KMT2D: variants seen among roughly 807,000 people sequenced by gnomAD.
The protein encoded by KMT2D is histone-lysine N-methyltransferase 2D.
In KMT2D, 55 loss-of-function variants were observed where a neutral mutation model predicts 512.7. The observed-to-expected ratio is 0.11, with a 90% confidence interval of 0.09 to 0.13. The LOEUF is 0.13. Ranked by LOEUF, KMT2D falls within the 10% of genes least tolerant of loss-of-function variation. The pLI, the probability that KMT2D is intolerant of heterozygous loss-of-function variation, is 1.00. For synonymous variants in KMT2D, 2,995 were observed against 2,904.0 expected, an observed-to-expected ratio of 1.03 and a Z score of -1.01; for missense variants, 6,061 against 7,127.9, an observed-to-expected ratio of 0.85 and a Z score of 5.39.
intron 1 of KMT2D, among the ~76,000 whole-genome samples, chr12:49,058,281 G>C (rs1938530547): frequency 6.6e-6 from 1 of 152,214 alleles, no homozygotes; most frequent in South Asian, 2.1e-4. Context: ...GGACAAACGG[G>C]AGGGACTCTC....
At position 49,041,314 on chromosome 12, in the gene KMT2D, G is replaced by A. The variant is rs727503985; in HGVS notation, c.6456C>T (p.Gly2152=). Residue 2152 remains glycine, a synonymous_variant, in exon 32 of 55, where the codon GGC becomes GGT. Coordinates refer to ENST00000301067, the MANE Select transcript of KMT2D (RefSeq NM_003482.4). The surrounding 1 kb of genome is among the most constrained non-coding windows in gnomAD (Gnocchi z 5.4). The stretch of plus-strand genomic sequence containing the variant: ...GGAAGAGCTCACCAGGCGAGTCAGG[G>A]CCAGGCACCGAGCCCGCCGGCGGCT... The part of the protein sequence containing the change: ...FLKPPAGSVP[G]PDSPGELFLK... 1 of 1,537,742 alleles carries A rather than the reference G, an allele frequency of 6.5e-7. No individual in the cohort carries two copies. The highest frequency in any genetic ancestry group is 8.7e-7 in the Non-Finnish European group (1 of 1,144,958).
rs1406097470 is a variant in KMT2D at position 49,027,127 on chromosome 12, G to A, written c.14839C>T (p.Pro4947Ser). 1 of 1,585,172 alleles carries A rather than the reference G, an allele frequency of 6.3e-7. No individual in the cohort carries two copies. Among genetic ancestry groups the A allele is most frequent in the Non-Finnish European group, 8.6e-7 (1 of 1,163,116 alleles). Residue 4947 changes from proline (P) to serine (S), a missense_variant, in exon 49 of 55, where the codon CCC (proline) becomes TCC (serine). Physicochemically the swap from Pro to Ser is moderately conservative, Grantham distance 74. Around this residue, in one of 16 missense-constraint regions of KMT2D, gnomAD observed 1,600 missense variants for 1,754.9 expected, o/e 0.91. Coordinates refer to ENST00000301067, the MANE Select transcript of KMT2D (RefSeq NM_003482.4). ...GATGAGGCCAGTGGCAGAGGTGAGG[G>A]GACGGGTGGCTCAGCCAAGGGTTCG... ...PTEPLAEPPV[P>S]SPLPLASSPE...
rs1450684708 is a variant in KMT2D, at chr12:49,020,527, C to G, written c.*1253G>C. 9.8e-6 allele frequency: 2 copies of G among 204,594 alleles called. No homozygotes were observed. The highest frequency in any genetic ancestry group is 4.6e-5 in the African/African-American group (2 of 43,578). 12.7% of individuals were successfully genotyped at this position (204,594 alleles called of 1,614,324 possible). On this transcript the variant is annotated 3_prime_UTR_variant, in exon 55 of 55. Coordinates refer to ENST00000301067, the MANE Select transcript of KMT2D (RefSeq NM_003482.4). ...GGTTCTCACCTCCAGCCGGCTCCCCCATGCCCCACAAGACTATGTACAATC... is the reference window on the plus strand; with the variant it reads ...GGTTCTCACCTCCAGCCGGCTCCCCGATGCCCCACAAGACTATGTACAATC...
In KMT2D at chr12:49,026,142, TC is replaced by T; in HGVS notation, c.15784+39del. On this transcript the variant is annotated intron_variant, in intron 49 of 54. Transcript: ENST00000301067. This position sits in a 1 kb window ranked among gnomAD's most constrained non-coding sequence, Gnocchi z 9.6. ...TAACAGTGACCCTGGGAGAAACTTTTCCCATTCCATATTATCCATTTCAAGG... is the reference window on the plus strand; with the variant it reads ...TAACAGTGACCCTGGGAGAAACTTTTCCATTCCATATTATCCATTTCAAGG... 1 of 1,515,408 alleles carries T rather than the reference TC, an allele frequency of 6.6e-7. No homozygotes were observed. Among genetic ancestry groups the T allele is most frequent in the Non-Finnish European group, 8.9e-7 (1 of 1,128,428 alleles). The allele number at this position is 1,515,408 out of a possible 1,614,324, so 93.9% of individuals were successfully genotyped here.
At position 49,050,940 on chromosome 12, in the gene KMT2D, G is replaced by A. The variant is rs2120660254; in HGVS notation, c.2743C>T (p.Leu915=). The change falls in exon 11 of 55, where the codon CTG becomes TTG. Residue 915 remains leucine, a synonymous_variant. Coordinates refer to ENST00000301067, the MANE Select transcript of KMT2D (RefSeq NM_003482.4). Reference sequence around the variant, plus strand: ...GGCTCCCCAGATGGGGACAACGGCAGCTCCTCGGGCAGAGGGGACAGAGGT... The same window carrying A: ...GGCTCCCCAGATGGGGACAACGGCAACTCCTCGGGCAGAGGGGACAGAGGT... The part of the protein sequence containing the change: ...EPPLSPLPEE[L]PLSPSGEPSL... 6.5e-7 allele frequency: 1 copy of A among 1,541,402 alleles called. No homozygotes were observed.
rs200943206 is a variant in KMT2D, at chr12:49,046,318, T to C, written c.4525A>G (p.Ile1509Val). The C allele has an allele frequency of 1.1e-4, 183 of 1,613,958 alleles. No homozygotes were observed. In the African/African-American group the frequency reaches 2.1e-3, roughly 19 times the overall value. Reference protein sequence around the residue: ...GPCASLVTCPICHAPYVEEDL... With the variant: ...GPCASLVTCPVCHAPYVEEDL... ...TCTTCTACGTAAGGAGCATGACAGATAGGGCAGGTCACCAGGCTGGCACAG... is the reference window on the plus strand; with the variant it reads ...TCTTCTACGTAAGGAGCATGACAGACAGGGCAGGTCACCAGGCTGGCACAG... The change falls in exon 17 of 55, where the codon ATC becomes GTC. Residue 1509 changes from isoleucine to valine, a missense_variant. By Grantham distance (29) the Ile-to-Val change is conservative. This residue lies in a region of KMT2D where 640 missense variants were observed against 814.3 expected (regional missense o/e 0.79). Transcript: ENST00000301067. This position sits in a 1 kb window ranked among gnomAD's most constrained non-coding sequence, Gnocchi z 4.2.
rs774537775 is a variant in KMT2D at position 49,039,889 on chromosome 12, G to A, written c.7881C>T (p.Tyr2627=). The change falls in exon 32 of 55, where the codon TAC becomes TAT. Residue 2627 remains tyrosine (Y), a synonymous_variant. Coordinates refer to ENST00000301067, the MANE Select transcript of KMT2D (RefSeq NM_003482.4). This position sits in a 1 kb window ranked among gnomAD's most constrained non-coding sequence, Gnocchi z 5.0. Reference sequence around the variant, plus strand: ...ATCGCTGTGAGGCTCCATGGGACAGGTAGGGGAGGGATCCGTCGGGTGCAG... The same window carrying A: ...ATCGCTGTGAGGCTCCATGGGACAGATAGGGGAGGGATCCGTCGGGTGCAG... The part of the protein sequence containing the change: ...PPPAPDGSLP[Y]LSHGASQRSG... 6.2e-7 allele frequency: 1 copy of A among 1,614,056 alleles called. No homozygotes were observed. The highest frequency in any genetic ancestry group is 1.1e-5 in the South Asian group (1 of 91,082).
intron 1 of KMT2D, among the ~76,000 whole-genome samples, chr12:49,057,523 C>A (rs1938481739): frequency 6.6e-6 from 1 of 152,140 alleles, no homozygotes; most frequent in Admixed American, 6.5e-5. Context: ...CCTCCAAAGC[C>A]AGAGCCCATT....
chr12:49,031,790 G>C lies in KMT2D; in HGVS notation c.12915C>G (p.Val4305=), dbSNP rs772198996. 5 of 1,607,458 alleles carry C rather than the reference G, an allele frequency of 3.1e-6. No homozygotes were observed. Among genetic ancestry groups the C allele is most frequent in the Middle Eastern group, 1.7e-4 (1 of 6,028 alleles). The change falls in exon 40 of 55, where the codon GTC becomes GTG. Residue 4305 remains valine, a synonymous_variant. Coordinates refer to ENST00000301067, the MANE Select transcript of KMT2D (RefSeq NM_003482.4). The stretch of plus-strand genomic sequence containing the variant: ...GGCTGGATGGTGGAGGTGTGGGATG[G>C]ACAGGGCCAAGGACTGGTCCTGTAG... The part of the protein sequence containing the change: ...ALSTGPVLGP[V]HPTPPPSSPQ...
Position 49,044,821 on chromosome 12 carries a change from G to C in KMT2D, c.4886C>G (p.Ser1629Cys), listed in dbSNP as rs2120588184. Residue 1629 changes from serine (S) to cysteine (C), a missense_variant, in exon 20 of 55, where the codon TCT becomes TGT. Physicochemically the swap from Ser to Cys is moderately radical, Grantham distance 112 (BLOSUM62 -1). Coordinates refer to ENST00000301067, the MANE Select transcript of KMT2D (RefSeq NM_003482.4). This position sits in a 1 kb window ranked among gnomAD's most constrained non-coding sequence, Gnocchi z 6.4. ...AGGGCCAAGGGCATCTGAGGGCTCA[G>C]AACCCTCCAATCCTGCCTCGCCTGG... ...GLPGEAGLEG[S>C]EPSDALGPDD... 1 of 1,614,058 alleles carries C rather than the reference G, an allele frequency of 6.2e-7. No homozygotes were observed. Among genetic ancestry groups the C allele is most frequent in the East Asian group, 2.2e-5 (1 of 44,892 alleles).
In KMT2D at chr12:49,039,297, C is replaced by T. The variant is rs978954279; in HGVS notation, c.8291G>A (p.Gly2764Glu). ...GAGTCGGTCATCGCTAGGGAAGGAC[C>T]CTGGCCCCAGGATGGGGCCACTCAG... ...SKLSGPILGP[G>E]SFPSDDRLSR... Residue 2764 changes from glycine (G) to glutamate (E), a missense_variant, in exon 34 of 55, where the codon GGG becomes GAG. By Grantham distance (98) the Gly-to-Glu change is moderately conservative (BLOSUM62 -2). Around this residue, in one of 16 missense-constraint regions of KMT2D, gnomAD observed 527 missense variants for 578.9 expected, o/e 0.91. Coordinates refer to ENST00000301067, the MANE Select transcript of KMT2D (RefSeq NM_003482.4). This position sits in a 1 kb window ranked among gnomAD's most constrained non-coding sequence, Gnocchi z 5.0. The T allele has an allele frequency of 3.1e-6, 5 of 1,613,646 alleles. No homozygotes were observed. Among genetic ancestry groups the T allele is most frequent in the Non-Finnish European group, 3.4e-6 (4 of 1,179,878 alleles).
At chr12:49,048,488 A>G (rs974978347) in intron 14 of KMT2D, among the ~76,000 whole-genome samples, 171 bp downstream of exon 14, 1 of 152,252 alleles carries the variant, frequency 6.6e-6, no homozygotes, top group African/African-American at 2.4e-5. Flanking sequence ...CAGAAGAGAT[A>G]CTCAAGAGAA....
Position 49,051,469 on chromosome 12 carries a change from G to A in KMT2D, c.2214C>T (p.Ser738=), listed in dbSNP as rs201219613. 5.8e-5 allele frequency: 93 copies of A among 1,612,728 alleles called. No individual in the cohort carries two copies. The African/African-American group carries it at 7.1e-4, about 12-fold the overall frequency. The change falls in exon 11 of 55, where the codon TCC becomes TCT. Residue 738 remains serine (S), a synonymous_variant. Coordinates refer to ENST00000301067, the MANE Select transcript of KMT2D (RefSeq NM_003482.4). ...GCCGGGGTGACAGGTGCGGCCCCTC[G>A]GACCGGGGGCAGAGTTGCGGCTCCT... The part of the protein sequence containing the change: ...LPEEPQLCPR[S]EGPHLSPRPE...
Position 49,050,692 on chromosome 12 carries a change from C to A in KMT2D, c.2896G>T (p.Asp966Tyr), listed in dbSNP as rs1404330252. ...GCCAACGGTGACTCAGGGTCACTGTCCCCTTTGGCACCAAAGGGGTACTCT... is the reference window on the plus strand; with the variant it reads ...GCCAACGGTGACTCAGGGTCACTGTACCCTTTGGCACCAAAGGGGTACTCT... Reference protein sequence around the residue: ...ELEYPFGAKGDSDPESPLAAP... With the variant: ...ELEYPFGAKGYSDPESPLAAP... The change falls in exon 12 of 55, where the codon GAC (aspartate) becomes TAC (tyrosine). Residue 966 changes from aspartate to tyrosine, a missense_variant. Coordinates refer to ENST00000301067, the MANE Select transcript of KMT2D (RefSeq NM_003482.4). 1 of 1,613,582 alleles carries A rather than the reference C, an allele frequency of 6.2e-7. No homozygotes were observed.
rs2120607041 is a variant in KMT2D at position 49,046,465 on chromosome 12, C to T, written c.4419-41G>A. ...AAACAGAGCTTTAGCACCCAACCTA[C>T]CCGAAGTACCCAGAAGTCCCCTCAC... On this transcript the variant is annotated intron_variant, in intron 16 of 54. Transcript: ENST00000301067. This position sits in a 1 kb window ranked among gnomAD's most constrained non-coding sequence, Gnocchi z 4.2. 1.9e-6 allele frequency: 3 copies of T among 1,604,820 alleles called. No homozygotes were observed. The highest frequency in any genetic ancestry group is 2.6e-6 in the Non-Finnish European group (3 of 1,174,122).
At position 49,037,366 on chromosome 12, in the gene KMT2D, C is replaced by T. The variant is rs2120477843; in HGVS notation, c.9990G>A (p.Met3330Ile). The T allele has an allele frequency of 6.2e-7, 1 of 1,610,850 alleles. No individual in the cohort carries two copies. The highest frequency in any genetic ancestry group is 8.5e-7 in the Non-Finnish European group (1 of 1,178,752). ...ARQPGLPQPL[M>I]PTQPPAHALQ... Reference sequence around the variant, plus strand: ...GGGCATGAGCTGGTGGCTGGGTGGGCATCAGTGGCTGGGGCAAACCTGGCT... The same window carrying T: ...GGGCATGAGCTGGTGGCTGGGTGGGTATCAGTGGCTGGGGCAAACCTGGCT... Residue 3330 changes from methionine to isoleucine, a missense_variant, in exon 35 of 55, where the codon ATG becomes ATA. Met to Ile is a conservative substitution (Grantham distance 10). This residue lies in a region of KMT2D where 533 missense variants were observed against 539.6 expected (regional missense o/e 0.99). Coordinates refer to ENST00000301067, the MANE Select transcript of KMT2D (RefSeq NM_003482.4).
In KMT2D at chr12:49,042,122, T is replaced by G; in HGVS notation, c.6076A>C (p.Ile2026Leu). 1 of 1,613,738 alleles carries G rather than the reference T, an allele frequency of 6.2e-7. No individual in the cohort carries two copies. Among genetic ancestry groups the G allele is most frequent in the Non-Finnish European group, 8.5e-7 (1 of 1,179,776 alleles). Residue 2026 changes from isoleucine to leucine, a missense_variant, in exon 29 of 55, where the codon ATT becomes CTT. Ile to Leu is a conservative substitution (Grantham distance 5, BLOSUM62 2). Coordinates refer to ENST00000301067, the MANE Select transcript of KMT2D (RefSeq NM_003482.4). The surrounding 1 kb of genome is among the most constrained non-coding windows in gnomAD (Gnocchi z 4.4). The stretch of plus-strand genomic sequence containing the variant: ...TCTTGCTTGAGATTAGGAAAATTAA[T>G]GTTGGCATAGAGCACAGGTGAGATG... ...STISPVLYAN[I>L]NFPNLKQDYP...
rs754749318 is a variant in KMT2D, at chr12:49,045,984, AAACGGAGG to A, written c.4694-25_4694-18del. On this transcript the variant is annotated intron_variant, in intron 18 of 54. Transcript: ENST00000301067. ...CAACAGGCGCTATGGAGAGAAGGAC[AAACGGAGG>A]TGGCTGAGGTCCTGTCCCAAAGCAA... 6.2e-7 allele frequency: 1 copy of A among 1,613,960 alleles called. No homozygotes were observed. Among genetic ancestry groups the A allele is most frequent in the Middle Eastern group, 1.6e-4 (1 of 6,062 alleles).
Position 49,039,660 on chromosome 12 carries a change from A to G in KMT2D, c.8047-43T>C. ...AAGAGGAATAAGCCCATTCTACTCC[A>G]ATCATAGGGCTGCCCCAGAGACAGG... is the stretch of plus-strand genomic sequence containing the variant. On this transcript the variant is annotated intron_variant, in intron 32 of 54. Transcript: ENST00000301067. The surrounding 1 kb of genome is among the most constrained non-coding windows in gnomAD (Gnocchi z 5.0). 6.2e-7 allele frequency: 1 copy of G among 1,602,906 alleles called. No individual in the cohort carries two copies. The highest frequency in any genetic ancestry group is 1.7e-4 in the Middle Eastern group (1 of 6,046).
Sources: gnomAD v4.1 joint callset for allele counts (sites outside exome capture counted in the v4.1 genomes callset) on GRCh38, gnomAD v4.1.1 for gene constraint, gnomAD v4.1.1 regional missense constraint, Gnocchi (gnomAD v3.1) non-coding constraint, MANE v1.5 for transcripts, NCBI Gene and HGNC (gene_info 2026-07-23, HGNC 2026-07-21) for gene names.